The following CTNND2 variants were observed in gnomAD, a reference collection of about 807,000 sequenced individuals.
The protein encoded by CTNND2 is catenin delta-2.
CTNND2 carries 22 observed loss-of-function variants against 144.4 expected under a neutral mutation model. The observed-to-expected ratio is 0.15, with a 90% CI of 0.11 to 0.22. The LOEUF (loss-of-function observed/expected upper bound fraction) is 0.22, where lower values mean the gene tolerates loss of function less well. CTNND2 is among the 10% of genes least tolerant of loss of function. The pLI is 1.00. For missense variants in CTNND2, 1,353 were observed against 1,618.8 expected (o/e 0.84, Z 2.82); for synonymous variants, 751 against 695.6 (o/e 1.08, Z -1.25).
intron 2 of CTNND2, among the ~76,000 whole-genome samples, chr5:11,625,500 T>C (rs189783678): frequency 4.3e-4 from 66 of 152,084 alleles, no homozygotes; most frequent in Admixed American, 1.2e-3. Context: ...GTGTAGGATG[T>C]AAAATTATAA....
chr5:11,312,451 T>TGAG (rs1437923217), intron 9 of CTNND2, among the ~76,000 whole-genome samples: 14 of 151,586 alleles, frequency 9.2e-5, no homozygotes, highest in African/African-American at 2.9e-4. Flanking sequence ...CAAGAGAAAA[T>TGAG]GAAGAAGCAA....
intron 11 of CTNND2, among the ~76,000 whole-genome samples, chr5:11,173,493 C>T (rs181126782): frequency 9.6e-4 from 146 of 152,296 alleles, no homozygotes; most frequent in African/African-American, 3.3e-3. Context: ...CCTGTGGAAA[C>T]CTTGATGAGA....
At chr5:11,590,184 T>G (rs1779141828) in intron 2 of CTNND2, among the ~76,000 whole-genome samples, 3 of 151,932 alleles carry the variant, frequency 2.0e-5, no homozygotes, top group Admixed American at 2.0e-4. Context: ...TAGCAGGAAC[T>G]ACAGGCGCCC....
intron 1 of CTNND2, among the ~76,000 whole-genome samples, chr5:11,877,040 C>T (rs1390500036): frequency 1.3e-5 from 2 of 152,064 alleles, no homozygotes; most frequent in Admixed American, 6.5e-5. Context: ...ATAGCAATGA[C>T]TGAGGTTAAA....
intron 20 of CTNND2, among the ~76,000 whole-genome samples, chr5:10,984,901 C>G (rs993699511): frequency 2.0e-5 from 3 of 151,980 alleles, no homozygotes; most frequent in African/African-American, 7.2e-5. Context: ...TGGTTAAACC[C>G]TGTCTCTACT....
chr5:11,058,970 T>C (rs1394849301), intron 16 of CTNND2, among the ~76,000 whole-genome samples: 3 of 152,208 alleles, frequency 2.0e-5, no homozygotes, highest in African/African-American at 7.2e-5. Context: ...GGAATGGCTG[T>C]ATTTACCCAA....
intron 15 of CTNND2, among the ~76,000 whole-genome samples, chr5:11,098,362 CTGTT>C (rs1245400557): frequency 2.0e-5 from 3 of 152,058 alleles, no homozygotes; most frequent in Non-Finnish European, 4.4e-5. Context: ...CTAGTCCTCT[CTGTT>C]TGTAGTGATC....
At chr5:11,453,110 G>A (rs1467175484) in intron 3 of CTNND2, among the ~76,000 whole-genome samples, 2 of 152,198 alleles carry the variant, frequency 1.3e-5, no homozygotes, top group Admixed American at 6.5e-5. Flanking sequence ...GAGCTAGAAG[G>A]TGGCAAAGGC....
intron 3 of CTNND2, among the ~76,000 whole-genome samples, chr5:11,445,728 G>C: frequency 6.6e-6 from 1 of 152,218 alleles, no homozygotes; most frequent in Non-Finnish European, 1.5e-5. Context: ...ATCATATAGC[G>C]GGGCTGGTGA....
intron 12 of CTNND2, among the ~76,000 whole-genome samples, chr5:11,158,580 C>T (rs1323954210): frequency 6.6e-6 from 1 of 152,168 alleles, no homozygotes; most frequent in Non-Finnish European, 1.5e-5. Context: ...CACACAAACA[C>T]ATACCGCCTC....
At position 11,226,948 on chromosome 5, in the gene CTNND2, GT is replaced by G. The variant is rs1457255578; in HGVS notation, c.1761+9742del. Among the ~76,000 whole-genome samples, 5 of 152,154 alleles carry G rather than the reference GT, an allele frequency of 3.3e-5. 1 individual carries two copies. In the East Asian group the frequency reaches 9.6e-4, roughly 29 times the overall value. ...ACATATCAATATATCAAGTACTTGG[GT>G]CTATATGTTGCTTTATGTTGGTATG... On this transcript the variant is annotated intron_variant, in intron 10 of 21. Transcript: ENST00000304623.
At chr5:11,114,429 C>G (rs1312454095) in intron 13 of CTNND2, among the ~76,000 whole-genome samples, 1 of 152,090 alleles carries the variant, frequency 6.6e-6, no homozygotes, top group East Asian at 1.9e-4. Flanking sequence ...CCACATTTAT[C>G]TGTCATTTAA....
At chr5:11,777,738 C>G (rs1006164624) in intron 1 of CTNND2, among the ~76,000 whole-genome samples, 10 of 152,128 alleles carry the variant, frequency 6.6e-5, no homozygotes, top group African/African-American at 2.4e-4. Flanking sequence ...AGTTTTAGTT[C>G]TTGAATGTTG....
chr5:11,387,057 T>TA (rs759995707), intron 6 of CTNND2, among the ~76,000 whole-genome samples: 2 of 151,972 alleles, frequency 1.3e-5, no homozygotes, highest in Non-Finnish European at 2.9e-5. Context: ...AGGGTGCTTT[T>TA]AAAAAAAATC....
At chr5:11,859,474 T>C (rs895491302) in intron 1 of CTNND2, among the ~76,000 whole-genome samples, 2 of 152,234 alleles carry the variant, frequency 1.3e-5, no homozygotes, top group Non-Finnish European at 2.9e-5. Context: ...TATCCAGTTC[T>C]TGAACGAAAA....
chr5:11,427,604 T>A (rs1253292072), intron 3 of CTNND2, among the ~76,000 whole-genome samples: 1 of 152,028 alleles, frequency 6.6e-6, no homozygotes, highest in Non-Finnish European at 1.5e-5. Flanking sequence ...GAACAACAGA[T>A]CCTAAATCTG....
At chr5:11,358,959 A>T (rs1020082763) in intron 8 of CTNND2, among the ~76,000 whole-genome samples, 4 of 152,190 alleles carry the variant, frequency 2.6e-5, no homozygotes, top group South Asian at 2.1e-4. Context: ...AAGAAAATCC[A>T]TCTGACTATC....
At chr5:11,165,962 T>G (rs969327569) in intron 11 of CTNND2, among the ~76,000 whole-genome samples, 16 of 152,226 alleles carry the variant, frequency 1.1e-4, no homozygotes, top group Non-Finnish European at 1.9e-4. Flanking sequence ...CTGGTGGCTA[T>G]GCAGGACTTT....
At chr5:11,225,429 C>T (rs1008170359) in intron 10 of CTNND2, among the ~76,000 whole-genome samples, 1 of 152,202 alleles carries the variant, frequency 6.6e-6, no homozygotes, top group Non-Finnish European at 1.5e-5. Flanking sequence ...TTTGGTCTTT[C>T]ACCTGTTCTT....
Sources: gnomAD v4.1 joint callset for allele counts (sites outside exome capture counted in the v4.1 genomes callset) on GRCh38, gnomAD v4.1.1 for gene constraint, MANE v1.5 for transcripts, NCBI Gene and HGNC (gene_info 2026-07-23, HGNC 2026-07-21) for gene names.